Variants in GNPAT observed in about 807,000 individuals in gnomAD.
The protein encoded by GNPAT is glyceronephosphate O-acyltransferase, also known as dihydroxyacetone phosphate acyltransferase.
In GNPAT, 30 loss-of-function variants were observed where a neutral mutation model predicts 78.4. The ratio of observed to expected loss-of-function variants is 0.38; its 90% CI spans 0.29 to 0.52. The LOEUF (loss-of-function observed/expected upper bound fraction) is 0.52, where lower values mean the gene tolerates loss of function less well. Among genes scored for constraint, GNPAT ranks in the 20% least tolerant of loss-of-function variants. The probability of loss-of-function intolerance (pLI) is 0.84; values close to 1 mark genes in which losing one functional copy is unlikely to be tolerated. For synonymous variants in GNPAT, 271 were observed against 281.1 expected (o/e 0.96, Z 0.36); for missense variants, 714 against 812.2 (o/e 0.88, Z 1.47).
At position 231,265,692 on chromosome 1, in the gene GNPAT, T is replaced by C. The variant is rs1685361827; in HGVS notation, c.697-20T>C. 6.8e-7 allele frequency: 1 copy of C among 1,474,628 alleles called. No homozygotes were observed. The highest frequency in any genetic ancestry group is 9.5e-7 in the Non-Finnish European group (1 of 1,052,662). 91.3% of individuals were successfully genotyped at this position (1,474,628 alleles called of 1,614,324 possible). A position where few individuals can be genotyped will look rare whatever the true frequency, so the allele number is the denominator to read the frequency against. ...AGAGTAGGCAATGGGTTTTGTGTTTTGTTTGTTTTCTCTTTAAAGAATGGT... is the reference window on the plus strand; with the variant it reads ...AGAGTAGGCAATGGGTTTTGTGTTTCGTTTGTTTTCTCTTTAAAGAATGGT... On this transcript the variant is annotated intron_variant, in intron 5 of 15. Transcript: ENST00000366647.
Position 231,241,234 on chromosome 1 carries a change from G to T in GNPAT, c.-145G>T. 4 of 1,481,858 alleles carry T rather than the reference G, an allele frequency of 2.7e-6. No individual in the cohort carries two copies. The highest frequency in any genetic ancestry group is 3.8e-6 in the Non-Finnish European group (4 of 1,063,416). 91.8% of individuals were successfully genotyped at this position (1,481,858 alleles called of 1,614,324 possible). A position where few individuals can be genotyped will look rare whatever the true frequency, so the allele number is the denominator to read the frequency against. ...CTTCCGTCCTGGCTGAGATGGCGGCGCCCGGGATCCTGTGTAGCGGCTGCA... is the reference window on the plus strand; with the variant it reads ...CTTCCGTCCTGGCTGAGATGGCGGCTCCCGGGATCCTGTGTAGCGGCTGCA... On this transcript the variant is annotated 5_prime_UTR_variant, in exon 1 of 16. Transcript: ENST00000366647.
At position 231,277,760 on chromosome 1, in the gene GNPAT, G is replaced by A; in HGVS notation, c.*218G>A. ...GGCGTTTGTATCTGACACTATGTGT[G>A]TGTTTTAAAATAAACTTTTGGAAAC... On this transcript the variant is annotated 3_prime_UTR_variant, in exon 16 of 16. Coordinates refer to ENST00000366647, the MANE Select transcript of GNPAT (RefSeq NM_014236.4). 1.9e-6 allele frequency: 1 copy of A among 519,964 alleles called. No homozygotes were observed. Among genetic ancestry groups the A allele is most frequent in the South Asian group, 2.6e-5 (1 of 38,628 alleles). The allele number at this position is 519,964 out of a possible 1,614,324, so 32.2% of individuals were successfully genotyped here.
chr1:231,245,136 G>C lies in GNPAT; in HGVS notation c.78+3680G>C, dbSNP rs368308038. Among the ~76,000 whole-genome samples, 9 of 152,300 alleles carry C rather than the reference G, an allele frequency of 5.9e-5. No homozygotes were observed. In the South Asian group the frequency reaches 1.4e-3, roughly 25 times the overall value. On this transcript the variant is annotated intron_variant, in intron 1 of 15. Coordinates refer to ENST00000366647, the MANE Select transcript of GNPAT (RefSeq NM_014236.4). ...TCCCAACTCAAATATCACTTCCTCA[G>C]AGAGGCCTTCCACAACCATTGAATC...
At chr1:231,261,477 G>A (rs1206616750) in intron 3 of GNPAT, among the ~76,000 whole-genome samples, 1 of 151,950 alleles carries the variant, frequency 6.6e-6, no homozygotes, top group Non-Finnish European at 1.5e-5. Context: ...AGTGGGTCGT[G>A]TCAGCAATGC....
chr1:231,252,123 A>G (rs980931769), intron 2 of GNPAT, among the ~76,000 whole-genome samples: 2 of 152,232 alleles, frequency 1.3e-5, no homozygotes, highest in Admixed American at 1.3e-4. Context: ...TAGAAAAACC[A>G]TTCTGCTAAA....
chr1:231,268,342 T>C (rs989493291), intron 9 of GNPAT, among the ~76,000 whole-genome samples: 1 of 152,130 alleles, frequency 6.6e-6, no homozygotes, highest in Non-Finnish European at 1.5e-5. Context: ...AATCTGTTTT[T>C]ATCACTATAG....
chr1:231,270,732 T>C lies in GNPAT; in HGVS notation c.1280-26T>C, dbSNP rs760252091. On this transcript the variant is annotated intron_variant, in intron 9 of 15. Coordinates refer to ENST00000366647, the MANE Select transcript of GNPAT (RefSeq NM_014236.4). ...AGACTCCCTGCAGTGACCCATCTTG[T>C]TTGAATGAATTGTCTTTGTGTGTAG... is the stretch of plus-strand genomic sequence containing the variant. 5.6e-6 allele frequency: 9 copies of C among 1,613,634 alleles called. No individual in the cohort carries two copies. The South Asian group carries it at 9.9e-5, about 18-fold the overall frequency.
Position 231,249,492 on chromosome 1 carries a change from A to G in GNPAT, c.79-1469A>G, listed in dbSNP as rs79107751. Among the ~76,000 whole-genome samples the G allele has an allele frequency of 3.6e-4, 55 of 152,356 alleles. No homozygotes were observed. The East Asian group carries it at 6.9e-3, about 19-fold the overall frequency. Reference sequence around the variant, plus strand: ...AGTTCAGTTATTGACCAATTATGCTATATTCCAAATAAAACCAGATGTTGG... The same window carrying G: ...AGTTCAGTTATTGACCAATTATGCTGTATTCCAAATAAAACCAGATGTTGG... On this transcript the variant is annotated intron_variant, in intron 1 of 15. Transcript: ENST00000366647.
rs1266734452 is a variant in GNPAT, at chr1:231,277,791, T to C, written c.*249T>C. On this transcript the variant is annotated 3_prime_UTR_variant, in exon 16 of 16. Coordinates refer to ENST00000366647, the MANE Select transcript of GNPAT (RefSeq NM_014236.4). ...TAAAATAAACTTTTGGAAACATGTTTGGAAAAGCAAAGCTCAGCTCATTTC... is the reference window on the plus strand; with the variant it reads ...TAAAATAAACTTTTGGAAACATGTTCGGAAAAGCAAAGCTCAGCTCATTTC... The C allele has an allele frequency of 2.1e-6, 1 of 467,326 alleles. No homozygotes were observed. The highest frequency in any genetic ancestry group is 2.0e-5 in the African/African-American group (1 of 51,262). The allele number at this position is 467,326 out of a possible 1,614,324, so 28.9% of individuals were successfully genotyped here.
At position 231,241,348 on chromosome 1, in the gene GNPAT, C is replaced by T. The variant is rs768398630; in HGVS notation, c.-31C>T. The T allele has an allele frequency of 6.3e-7, 1 of 1,584,164 alleles. No homozygotes were observed. Among genetic ancestry groups the T allele is most frequent in the Non-Finnish European group, 8.7e-7 (1 of 1,152,652 alleles). Reference sequence around the variant, plus strand: ...GCACCACCACGGCTTAGCAAAGAATCCCAGACCCCGCCCGGGAAGGCAGCC... The same window carrying T: ...GCACCACCACGGCTTAGCAAAGAATTCCAGACCCCGCCCGGGAAGGCAGCC... On this transcript the variant is annotated 5_prime_UTR_variant, in exon 1 of 16. Coordinates refer to ENST00000366647, the MANE Select transcript of GNPAT (RefSeq NM_014236.4).
Position 231,265,704 on chromosome 1 carries a change from C to A in GNPAT, c.697-8C>A. ...GGGTTTTGTGTTTTGTTTGTTTTCT[C>A]TTTAAAGAATGGTTATGCTCCTGTT... On this transcript the variant is annotated splice_region_variant and splice_polypyrimidine_tract_variant and intron_variant, in intron 5 of 15. Coordinates refer to ENST00000366647, the MANE Select transcript of GNPAT (RefSeq NM_014236.4). 6.4e-7 allele frequency: 1 copy of A among 1,555,590 alleles called. No individual in the cohort carries two copies. The highest frequency in any genetic ancestry group is 8.9e-7 in the Non-Finnish European group (1 of 1,126,598).
chr1:231,262,812 C>A lies in GNPAT; in HGVS notation c.528C>A (p.Tyr176Ter). 1 of 1,610,016 alleles carries A rather than the reference C, an allele frequency of 6.2e-7. No homozygotes were observed. Among genetic ancestry groups the A allele is most frequent in the Non-Finnish European group, 8.5e-7 (1 of 1,176,334 alleles). Residue 176 changes from tyrosine to a stop codon, truncating the protein, a stop_gained, in exon 4 of 16, where the codon TAC becomes TAA. Coordinates refer to ENST00000366647, the MANE Select transcript of GNPAT (RefSeq NM_014236.4). LOFTEE classifies it high-confidence loss of function. ...TCCTCATGTTGTCTTTTCTTCTATA[C>A]AATTATGATTTGCCTGTGCCAGTTA... ...IDFLMLSFLL[Y>*]NYDLPVPVIA... is the part of the protein sequence containing the mutation.
Position 231,242,629 on chromosome 1 carries a change from C to T in GNPAT, c.78+1173C>T, listed in dbSNP as rs532897777. Among the ~76,000 whole-genome samples, 100 of 152,334 alleles carry T rather than the reference C, an allele frequency of 6.6e-4. 1 individual carries two copies. Among genetic ancestry groups the T allele is most frequent in the African/African-American group, 2.3e-3 (97 of 41,586 alleles). Reference sequence around the variant, plus strand: ...TCTGACTCTGCTACTCCAGAGCAGGCACGAAGGGAAGAGGGTTGCTGTGCA... The same window carrying T: ...TCTGACTCTGCTACTCCAGAGCAGGTACGAAGGGAAGAGGGTTGCTGTGCA... On this transcript the variant is annotated intron_variant, in intron 1 of 15. Transcript: ENST00000366647.
At position 231,276,337 on chromosome 1, in the gene GNPAT, T is replaced by G. The variant is rs965569414; in HGVS notation, c.1999+141T>G. The G allele has an allele frequency of 6.4e-5, 41 of 636,770 alleles. No homozygotes were observed. The South Asian group carries it at 7.1e-4, about 11-fold the overall frequency. The allele number at this position is 636,770 out of a possible 1,614,324, so 39.4% of individuals were successfully genotyped here. ...ACATAAAAGGGAATTACTTATGCAG[T>G]CTGGAATTTTCTCAAGGAAGCTAAC... is the stretch of plus-strand genomic sequence containing the variant. On this transcript the variant is annotated intron_variant, in intron 15 of 15. Coordinates refer to ENST00000366647, the MANE Select transcript of GNPAT (RefSeq NM_014236.4).
intron 1 of GNPAT, among the ~76,000 whole-genome samples, chr1:231,250,080 TTTATTATTATTA>T (rs140643889): frequency 4.1e-5 from 6 of 144,746 alleles, no homozygotes; most frequent in East Asian, 2.0e-4. Flanking sequence ...ACTGTACCTC[TTTATTATTATTA>T]TTATTATTAT....
chr1:231,254,146 A>G (rs1270223136), intron 2 of GNPAT, among the ~76,000 whole-genome samples: 2 of 152,090 alleles, frequency 1.3e-5, no homozygotes, highest in Non-Finnish European at 2.9e-5. Flanking sequence ...AAATAATTCT[A>G]ATGCACACCC....
At chr1:231,248,452 G>A (rs2102799172) in intron 1 of GNPAT, among the ~76,000 whole-genome samples, 1 of 152,128 alleles carries the variant, frequency 6.6e-6, no homozygotes, top group East Asian at 1.9e-4. Context: ...ATATAGGCCA[G>A]GCGTGGTGGT....
At chr1:231,263,172 C>G (rs75907692) in intron 4 of GNPAT, among the ~76,000 whole-genome samples, 47 of 152,256 alleles carry the variant, frequency 3.1e-4, no homozygotes, top group African/African-American at 1.1e-3. Context: ...ATAAATAGAT[C>G]TAACTTTTTA....
At chr1:231,266,988 C>G (rs140921792) in intron 8 of GNPAT, among the ~76,000 whole-genome samples, 2 of 152,266 alleles carry the variant, frequency 1.3e-5, no homozygotes, top group Admixed American at 1.3e-4. Context: ...TGTAACTTAT[C>G]TGTAGCTTTA....
Sources: gnomAD v4.1 joint callset for allele counts (sites outside exome capture counted in the v4.1 genomes callset) on GRCh38, gnomAD v4.1.1 for gene constraint, MANE v1.5 for transcripts, NCBI Gene and HGNC (gene_info 2026-07-23, HGNC 2026-07-21) for gene names.